VRK2: variants seen among roughly 807,000 people sequenced by gnomAD.
VRK2 encodes serine/threonine-protein kinase VRK2.
VRK2 carries 60 observed loss-of-function variants against 57.6 expected under a neutral mutation model. The observed-to-expected ratio is 1.04, with a 90% CI of 0.85 to 1.29. The LOEUF (loss-of-function observed/expected upper bound fraction) is 1.29. Ranked by LOEUF, VRK2 falls within the 50% of genes most tolerant of loss-of-function variation. The pLI is 0.00. For missense variants in VRK2, 705 were observed against 588.1 expected, an observed-to-expected ratio of 1.20 and a Z score of -2.06; for synonymous variants, 231 against 199.2, an observed-to-expected ratio of 1.16 and a Z score of -1.35.
intron 3 of VRK2, among the ~76,000 whole-genome samples, chr2:58,037,064 T>C (rs1441327092): frequency 6.6e-6 from 1 of 151,954 alleles, no homozygotes; most frequent in Non-Finnish European, 1.5e-5. Flanking sequence ...GACTCATGAG[T>C]AGCTGAAACT....
At chr2:58,133,094 C>T (rs1178468334) in intron 9 of VRK2, among the ~76,000 whole-genome samples, 3 of 152,054 alleles carry the variant, frequency 2.0e-5, no homozygotes, top group Non-Finnish European at 2.9e-5. Context: ...TTTTAAAAAA[C>T]TAACATTTTA....
chr2:58,046,974 G>GGGACTCCGGGCCGTCCC (rs1674850652), intron 1 of VRK2, 106 bp downstream of exon 1: 1 of 985,292 alleles, frequency 1.0e-6, no homozygotes, highest in Non-Finnish European at 1.2e-6. Context: ...TTAGATGCCG[G>GGGACTCCGGGCCGTCCC]GGACTCCGGG....
intron 7 of VRK2, among the ~76,000 whole-genome samples, chr2:58,093,933 A>G (rs895089056): frequency 7.9e-5 from 12 of 152,092 alleles, no homozygotes; most frequent in Admixed American, 3.3e-4. Flanking sequence ...TCCTTTCCCC[A>G]TTTCTTGTTT....
At chr2:57,914,836 G>A (rs1383169802) in intron 1 of VRK2, among the ~76,000 whole-genome samples, 1 of 152,006 alleles carries the variant, frequency 6.6e-6, no homozygotes, top group Non-Finnish European at 1.5e-5. Flanking sequence ...TTCATAAATA[G>A]CAAACCCAGG....
chr2:58,132,084 C>CT, intron 9 of VRK2, 156 bp downstream of exon 9: 1 of 836,724 alleles, frequency 1.2e-6, no homozygotes, highest in East Asian at 2.9e-5. Context: ...AACCAAACAA[C>CT]TAACACATAA....
intron 1 of VRK2, among the ~76,000 whole-genome samples, chr2:57,913,724 C>T (rs572575016): frequency 3.9e-5 from 6 of 152,086 alleles, no homozygotes; most frequent in African/African-American, 1.4e-4. Context: ...ATTATACATA[C>T]TCTTTGCATG....
chr2:58,129,236 CA>C (rs1678810470), intron 8 of VRK2, among the ~76,000 whole-genome samples: 1 of 152,056 alleles, frequency 6.6e-6, no homozygotes, highest in Non-Finnish European at 1.5e-5. Flanking sequence ...CATTAATTAC[CA>C]AATGCCACTG....
chr2:58,056,295 C>T (rs1394532355), intron 2 of VRK2, among the ~76,000 whole-genome samples: 1 of 152,116 alleles, frequency 6.6e-6, no homozygotes, highest in Admixed American at 6.6e-5. Flanking sequence ...AATACTTCAA[C>T]GTATTCAAAA....
intron 3 of VRK2, chr2:58,033,619 A>G (rs1472387202): frequency 3.3e-5 from 5 of 152,078 alleles, no homozygotes; most frequent in Admixed American, 2.0e-4. Context: ...CAACAATAGT[A>G]AATTAATACA....
At chr2:58,122,787 G>T (rs1253300148) in intron 7 of VRK2, among the ~76,000 whole-genome samples, 1 of 152,162 alleles carries the variant, frequency 6.6e-6, no homozygotes, top group Non-Finnish European at 1.5e-5. Flanking sequence ...TGTGAATACA[G>T]ATAAAAAGAC....
At chr2:57,942,541 A>C (rs1441310970) in intron 1 of VRK2, among the ~76,000 whole-genome samples, 1 of 150,744 alleles carries the variant, frequency 6.6e-6, no homozygotes, top group East Asian at 2.0e-4. Flanking sequence ...TCCAAAACAA[A>C]AAAAAAGGGG....
At chr2:58,149,750 T>C (rs1471251655) in intron 12 of VRK2, among the ~76,000 whole-genome samples, 2 of 151,718 alleles carry the variant, frequency 1.3e-5, no homozygotes, top group Non-Finnish European at 1.5e-5. Flanking sequence ...TATTAAATAC[T>C]GTTTTGAGAT....
chr2:58,080,245 A>G (rs761872422), intron 2 of VRK2, among the ~76,000 whole-genome samples: 7 of 151,888 alleles, frequency 4.6e-5, no homozygotes, highest in South Asian at 2.1e-4. Context: ...TCCCCAGAGA[A>G]CGTAGCTTTA....
intron 1 of VRK2, among the ~76,000 whole-genome samples, chr2:57,960,612 G>A (rs932775835): frequency 1.3e-5 from 2 of 152,136 alleles, no homozygotes; most frequent in Non-Finnish European, 2.9e-5. Context: ...ATGAGTGAGG[G>A]TTCATGGCGT....
intron 1 of VRK2, among the ~76,000 whole-genome samples, chr2:57,965,638 ATC>A (rs757205159): frequency 6.6e-6 from 1 of 152,188 alleles, no homozygotes; most frequent in Non-Finnish European, 1.5e-5. Flanking sequence ...TAGAAAGGGT[ATC>A]TCTCATTAAA....
intron 1 of VRK2, among the ~76,000 whole-genome samples, chr2:57,964,879 CAAAAAAAAAA>C (rs540446220): frequency 1.7e-3 from 83 of 47,866 alleles, no homozygotes; most frequent in African/African-American, 6.3e-3. Context: ...GAATCCATCT[CAAAAAAAAAA>C]AAAAAAAAAA....
At chr2:57,972,904 A>G (rs1487762325) in intron 1 of VRK2, among the ~76,000 whole-genome samples, 1 of 151,876 alleles carries the variant, frequency 6.6e-6, no homozygotes, top group African/African-American at 2.4e-5. Context: ...ATTGTGTACA[A>G]TAGTTCAATC....
Position 58,032,562 on chromosome 2 carries a change from C to T in VRK2, c.-332-665C>T, listed in dbSNP as rs368629636. Among the ~76,000 whole-genome samples the T allele has an allele frequency of 2.8e-4, 42 of 152,098 alleles. No homozygotes were observed. In the East Asian group the frequency reaches 3.7e-3, roughly 13 times the overall value. ...AGTTCTCTGGGTGGCCTTGGACTGA[C>T]GCAGTTCTCCATCCTTTCTCAATTG... On this transcript the variant is annotated intron_variant, in intron 2 of 15. Coordinates refer to the VRK2 transcript ENST00000417641.
At chr2:58,158,217 C>T (rs1286179445) in intron 12 of VRK2, among the ~76,000 whole-genome samples, 1 of 151,974 alleles carries the variant, frequency 6.6e-6, no homozygotes, top group Non-Finnish European at 1.5e-5. Context: ...CTTTATAGGC[C>T]TACTGGAATA....
Sources: gnomAD v4.1 joint callset for allele counts (sites outside exome capture counted in the v4.1 genomes callset) on GRCh38, gnomAD v4.1.1 for gene constraint, MANE v1.5 for transcripts, NCBI Gene and HGNC (gene_info 2026-07-23, HGNC 2026-07-21) for gene names.